ADAMTS6: variants seen among roughly 807,000 people sequenced by gnomAD.
ADAMTS6 encodes ADAM metallopeptidase with thrombospondin type 1 motif 6.
Under a neutral mutation model 144.3 loss-of-function variants are expected in ADAMTS6, and 23 were observed. That is an observed-to-expected ratio of 0.16 (90% CI 0.11 to 0.23). ADAMTS6 has a LOEUF of 0.23. Ranked by LOEUF, ADAMTS6 falls within the 10% of genes least tolerant of loss-of-function variation. ADAMTS6 has a pLI of 1.00. For synonymous variants in ADAMTS6, 444 were observed against 457.5 expected (o/e 0.97, Z 0.38); for missense variants, 999 against 1,379.6 (o/e 0.72, Z 4.37).
In ADAMTS6 at chr5:65,215,443, T is replaced by A. The variant is rs1756847698; in HGVS notation, c.2317A>T (p.Thr773Ser). The change falls in exon 19 of 25, where the codon ACT becomes TCT. Residue 773 changes from threonine (T) to serine (S), a missense_variant. Physicochemically the swap from Thr to Ser is moderately conservative, Grantham distance 58. Around this residue, in one of 3 missense-constraint regions of ADAMTS6, gnomAD observed 619 missense variants for 837.0 expected, o/e 0.74. Coordinates refer to ENST00000381055, the MANE Select transcript of ADAMTS6 (RefSeq NM_197941.4). ...TCAAATTTCCTAGGCCAGTCAATAGTCCAGGCACCATTAATATAGTAATCA... is the reference window on the plus strand; with the variant it reads ...TCAAATTTCCTAGGCCAGTCAATAGACCAGGCACCATTAATATAGTAATCA... ...GDDYYINGAW[T>S]IDWPRKFDVA... 6 of 1,613,940 alleles carry A rather than the reference T, an allele frequency of 3.7e-6. No homozygotes were observed. The highest frequency in any genetic ancestry group is 4.2e-6 in the Non-Finnish European group (5 of 1,179,912).
intron 23 of ADAMTS6, among the ~76,000 whole-genome samples, chr5:65,171,717 A>G (rs1333690631): frequency 2.0e-5 from 3 of 152,152 alleles, no homozygotes; most frequent in African/African-American, 7.2e-5. Flanking sequence ...TAAAAAAAAA[A>G]AGAGCTTAAA....
chr5:65,472,612 C>T (rs1221741837), intron 2 of ADAMTS6, among the ~76,000 whole-genome samples: 1 of 152,168 alleles, frequency 6.6e-6, no homozygotes, highest in Admixed American at 6.5e-5. Context: ...ACCTTCTTAG[C>T]TGTACCTTCT....
chr5:65,329,881 A>G (rs1296143910), intron 8 of ADAMTS6, among the ~76,000 whole-genome samples: 1 of 152,160 alleles, frequency 6.6e-6, no homozygotes, highest in Non-Finnish European at 1.5e-5. Flanking sequence ...TAGTGGGTTC[A>G]TAAAAATATA....
chr5:65,238,302 G>A (rs1323463123), intron 15 of ADAMTS6, among the ~76,000 whole-genome samples: 1 of 152,052 alleles, frequency 6.6e-6, no homozygotes, highest in Non-Finnish European at 1.5e-5. Flanking sequence ...AAAATTCTGA[G>A]CATCTGTAAA....
At chr5:65,273,312 C>G (rs780752305) in intron 12 of ADAMTS6, 28 bp downstream of exon 12, 9 of 1,596,248 alleles carry the variant, frequency 5.6e-6, no homozygotes, top group African/African-American at 1.3e-5. Flanking sequence ...GTATACATGT[C>G]AAACAGGTAG....
rs1472025397 is a variant in ADAMTS6, at chr5:65,460,355, CAAAG to C, written c.463-21_463-18del. On this transcript the variant is annotated intron_variant, in intron 3 of 24. Coordinates refer to ENST00000381055, the MANE Select transcript of ADAMTS6 (RefSeq NM_197941.4). ...AACACCATGCTAAAAGAAAAATAAA[CAAAG>C]AACTTACCAAAGAGAATCATTTTAA... 3 of 1,572,076 alleles carry C rather than the reference CAAAG, an allele frequency of 1.9e-6. No individual in the cohort carries two copies. Among genetic ancestry groups the C allele is most frequent in the Non-Finnish European group, 2.6e-6 (3 of 1,160,264 alleles).
chr5:65,364,141 A>AG (rs1246815610), intron 7 of ADAMTS6, among the ~76,000 whole-genome samples: 2 of 152,172 alleles, frequency 1.3e-5, no homozygotes, highest in Non-Finnish European at 2.9e-5. Flanking sequence ...CTGTGTTTGA[A>AG]GGGGGCAAAA....
Position 65,227,522 on chromosome 5 carries a change from A to C in ADAMTS6, c.1934-1303T>G, listed in dbSNP as rs187878267. Among the ~76,000 whole-genome samples the C allele has an allele frequency of 4.1e-4, 63 of 152,340 alleles. 1 individual carries two copies. The highest frequency in any genetic ancestry group is 5.9e-5 in the Non-Finnish European group (4 of 68,018). On this transcript the variant is annotated intron_variant, in intron 15 of 24. Transcript: ENST00000381055. ...ATTATGCTGCTAAAACTTCTATTTG[A>C]AATAAAGAAGACTACTTCTAATAAA...
chr5:65,398,402 T>C (rs1376088314), intron 7 of ADAMTS6, among the ~76,000 whole-genome samples: 1 of 152,204 alleles, frequency 6.6e-6, no homozygotes, highest in Non-Finnish European at 1.5e-5. Flanking sequence ...TTGATAACTT[T>C]CCTTGCTTTG....
intron 9 of ADAMTS6, among the ~76,000 whole-genome samples, chr5:65,304,755 CA>C (rs941925893): frequency 3.3e-5 from 5 of 149,682 alleles, no homozygotes; most frequent in African/African-American, 7.3e-5. Flanking sequence ...TTAAAAACAG[CA>C]AAAAAAAATT....
intron 11 of ADAMTS6, among the ~76,000 whole-genome samples, chr5:65,279,462 G>A (rs1036382075): frequency 2.6e-5 from 4 of 151,906 alleles, no homozygotes; most frequent in South Asian, 4.2e-4. Flanking sequence ...GATTACAGGC[G>A]CCTGCCACCA....
intron 11 of ADAMTS6, among the ~76,000 whole-genome samples, chr5:65,286,870 A>G (rs1741721575): frequency 6.6e-6 from 1 of 152,188 alleles, no homozygotes; most frequent in Non-Finnish European, 1.5e-5. Context: ...TTACTGCAGT[A>G]TGCTTTTTGA....
chr5:65,278,874 G>A lies in ADAMTS6; in HGVS notation c.1513-5427C>T, dbSNP rs545315043. Among the ~76,000 whole-genome samples, 8 of 151,336 alleles carry A rather than the reference G, an allele frequency of 5.3e-5. No individual in the cohort carries two copies. In the South Asian group the frequency reaches 8.4e-4, roughly 16 times the overall value. ...GCATTTGAAGGTGTTAAAATTCATC[G>A]TCATTTGACTTCTGTGGAGGCTGAT... On this transcript the variant is annotated intron_variant, in intron 11 of 24. Coordinates refer to ENST00000381055, the MANE Select transcript of ADAMTS6 (RefSeq NM_197941.4).
chr5:65,361,195 C>G (rs537605987), intron 7 of ADAMTS6, among the ~76,000 whole-genome samples: 25 of 152,000 alleles, frequency 1.6e-4, no homozygotes, highest in Non-Finnish European at 3.5e-4. Flanking sequence ...TTAGTAAGAT[C>G]AAAATGGTTT....
rs571211840 is a variant in ADAMTS6 at position 65,285,333 on chromosome 5, C to T, written c.1512+5996G>A. Among the ~76,000 whole-genome samples the T allele has an allele frequency of 1.4e-4, 21 of 152,222 alleles. No homozygotes were observed. In the South Asian group the frequency reaches 4.4e-3, roughly 32 times the overall value. On this transcript the variant is annotated intron_variant, in intron 11 of 24. Coordinates refer to ENST00000381055, the MANE Select transcript of ADAMTS6 (RefSeq NM_197941.4). Reference sequence around the variant, plus strand: ...TCTCTCACCTCTTCAAATACACAGGCTCTCGGTCTTCCCAAAGGTCCTCTC... The same window carrying T: ...TCTCTCACCTCTTCAAATACACAGGTTCTCGGTCTTCCCAAAGGTCCTCTC...
intron 7 of ADAMTS6, among the ~76,000 whole-genome samples, chr5:65,417,666 T>C (rs1294037385): frequency 1.3e-5 from 2 of 151,900 alleles, no homozygotes; most frequent in Non-Finnish European, 2.9e-5. Context: ...TAGGAATACA[T>C]CTAAACAAGG....
intron 15 of ADAMTS6, among the ~76,000 whole-genome samples, chr5:65,233,886 T>C (rs2112452506): frequency 6.6e-6 from 1 of 152,110 alleles, no homozygotes; most frequent in Non-Finnish European, 1.5e-5. Context: ...ACTATATTAC[T>C]AACCTGTAGC....
At chr5:65,380,682 A>C (rs1020463728) in intron 7 of ADAMTS6, among the ~76,000 whole-genome samples, 28 of 152,310 alleles carry the variant, frequency 1.8e-4, no homozygotes, top group Admixed American at 1.4e-3. Flanking sequence ...TTTGCTGGTG[A>C]GATCTAACAT....
At chr5:65,433,446 T>C (rs1241864907) in intron 7 of ADAMTS6, among the ~76,000 whole-genome samples, 1 of 152,148 alleles carries the variant, frequency 6.6e-6, no homozygotes, top group Non-Finnish European at 1.5e-5. Context: ...CCACTTATTT[T>C]CCATTATGCA....
Sources: allele counts gnomAD v4.1 joint callset (sites outside exome capture counted in the v4.1 genomes callset), GRCh38; gene constraint gnomAD v4.1.1; regional missense constraint gnomAD v4.1.1; transcripts MANE v1.5; gene names NCBI Gene and HGNC (gene_info 2026-07-23, HGNC 2026-07-21).